Variants in GALNT13 observed in about 807,000 individuals in gnomAD.
GALNT13 encodes polypeptide N-acetylgalactosaminyltransferase 13.
In GALNT13, 28 loss-of-function variants were observed where a neutral mutation model predicts 64.2. That is an observed-to-expected ratio of 0.44 (90% CI 0.32 to 0.60). The LOEUF (loss-of-function observed/expected upper bound fraction) is 0.60, where lower values mean the gene tolerates loss of function less well. GALNT13 is among the 20% of genes least tolerant of loss of function. The probability of loss-of-function intolerance (pLI) is 0.05; values close to 1 mark genes in which losing one functional copy is unlikely to be tolerated. For missense variants in GALNT13, 577 were observed against 669.8 expected (o/e 0.86, Z 1.53); for synonymous variants, 214 against 224.6 (o/e 0.95, Z 0.42).
At chr2:153,871,486 C>G (rs557651254), upstream of GALNT13, among the ~76,000 whole-genome samples, 1 of 152,204 alleles carries the variant, frequency 6.6e-6, no homozygotes. Flanking sequence ...CCGGCGCTTT[C>G]CCCGAGGGCA....
At chr2:153,199,525 GT>G in the GALNT13 span, among the ~76,000 whole-genome samples, 1 of 152,308 alleles carries the variant, frequency 6.6e-6, no homozygotes, top group East Asian at 1.9e-4. Flanking sequence ...GACAGATGTT[GT>G]TTTGAGCAAA....
At chr2:154,293,685 T>C (rs1692764768) in intron 8 of GALNT13, among the ~76,000 whole-genome samples, 3 of 152,182 alleles carry the variant, frequency 2.0e-5, no homozygotes, top group Admixed American at 2.0e-4. Context: ...AGAAAAATTC[T>C]GTTTGCTTAT....
the GALNT13 span, chr2:153,478,764 A>C: frequency 3.6e-6 from 2 of 563,142 alleles, no homozygotes; most frequent in South Asian, 2.5e-5. Flanking sequence ...GGCTCTTCTA[A>C]AGCCGTCCGC....
At chr2:153,121,841 G>T in the GALNT13 span, among the ~76,000 whole-genome samples, 1 of 152,116 alleles carries the variant, frequency 6.6e-6, no homozygotes, top group African/African-American at 2.4e-5. Context: ...TTACGACACT[G>T]AAAACAGAGG....
At chr2:153,547,895 GAT>G in the GALNT13 span, among the ~76,000 whole-genome samples, 5 of 152,144 alleles carry the variant, frequency 3.3e-5, no homozygotes, top group Non-Finnish European at 7.3e-5. Context: ...CCCTGGTTTT[GAT>G]ATCCATAAGT....
the GALNT13 span, among the ~76,000 whole-genome samples, chr2:153,280,892 G>A: frequency 3.7e-4 from 57 of 152,140 alleles, no homozygotes; most frequent in Middle Eastern, 3.2e-3. Context: ...TTGGTCATGC[G>A]TGAAGTTTAA....
At chr2:153,701,527 CA>C in the GALNT13 span, among the ~76,000 whole-genome samples, 1 of 152,096 alleles carries the variant, frequency 6.6e-6, no homozygotes, top group South Asian at 2.1e-4. Flanking sequence ...TTCTGCACAG[CA>C]AAAGAAACTA....
chr2:154,298,301 A>G (rs1269826339), intron 8 of GALNT13, among the ~76,000 whole-genome samples: 2 of 150,038 alleles, frequency 1.3e-5, no homozygotes, highest in Non-Finnish European at 3.0e-5. Context: ...TATTTTTTAC[A>G]GTAGGTCAAA....
At chr2:153,700,813 C>T in the GALNT13 span, among the ~76,000 whole-genome samples, 3 of 152,114 alleles carry the variant, frequency 2.0e-5, no homozygotes, top group Non-Finnish European at 4.4e-5. Flanking sequence ...TCAAAGAGAA[C>T]TACAAACCAC....
the GALNT13 span, among the ~76,000 whole-genome samples, chr2:153,334,482 T>G: frequency 6.6e-6 from 1 of 152,204 alleles, no homozygotes; most frequent in East Asian, 1.9e-4. Context: ...TAACTAAAGT[T>G]AAGGGCTTTT....
the GALNT13 span, among the ~76,000 whole-genome samples, chr2:153,317,163 T>G: frequency 6.6e-6 from 1 of 152,200 alleles, no homozygotes; most frequent in Non-Finnish European, 1.5e-5. Context: ...ACAAATACCT[T>G]AGAAATTCAA....
intron 9 of GALNT13, among the ~76,000 whole-genome samples, chr2:154,304,875 A>G (rs1426090272): frequency 6.6e-6 from 1 of 152,188 alleles, no homozygotes; most frequent in Non-Finnish European, 1.5e-5. Context: ...GAACTTCCTA[A>G]AGGGCGTTTA....
At chr2:153,814,465 G>GTAAGTAAGTAAGTAAGTAAGTAAA in the GALNT13 span, among the ~76,000 whole-genome samples, 3 of 148,906 alleles carry the variant, frequency 2.0e-5, no homozygotes, top group African/African-American at 7.5e-5. Context: ...AAGTAAGTAA[G>GTAAGTAAGTAAGTAAGTAAGTAAA]TAAATAAATA....
At chr2:154,266,727 C>T (rs1559057201) in intron 8 of GALNT13, among the ~76,000 whole-genome samples, 3 of 151,640 alleles carry the variant, frequency 2.0e-5, no homozygotes, top group Admixed American at 2.0e-4. Context: ...ATTGTATTTA[C>T]TTACTATTGC....
chr2:153,130,893 GTACAGTCCAAAC>G, the GALNT13 span, among the ~76,000 whole-genome samples: 1 of 152,122 alleles, frequency 6.6e-6, no homozygotes, highest in Non-Finnish European at 1.5e-5. Flanking sequence ...ATAAATAGTT[GTACAGTCCAAAC>G]TACTGTCGAG....
chr2:153,445,828 T>G, the GALNT13 span, among the ~76,000 whole-genome samples: 1 of 152,190 alleles, frequency 6.6e-6, no homozygotes, highest in South Asian at 2.1e-4. Context: ...GCATATACAT[T>G]ATAGTCAGGA....
At chr2:153,295,527 T>TAAAAAAAAAAA in the GALNT13 span, among the ~76,000 whole-genome samples, 1 of 139,750 alleles carries the variant, frequency 7.2e-6, no homozygotes. Flanking sequence ...CTGGAGTACC[T>TAAAAAAAAAAA]AAAAAAAAAA....
the GALNT13 span, among the ~76,000 whole-genome samples, chr2:153,634,815 C>G: frequency 1.3e-5 from 2 of 151,948 alleles, no homozygotes; most frequent in South Asian, 4.1e-4. Context: ...TCCCAAAGTG[C>G]TGGAACTACA....
chr2:154,143,447 A>G (rs1337792847), intron 4 of GALNT13, among the ~76,000 whole-genome samples: 1 of 152,070 alleles, frequency 6.6e-6, no homozygotes, highest in Non-Finnish European at 1.5e-5. Context: ...TTTTTAAAAA[A>G]TCTCGACTTT....
Sources: gnomAD v4.1 joint callset for allele counts (sites outside exome capture counted in the v4.1 genomes callset) on GRCh38, gnomAD v4.1.1 for gene constraint, MANE v1.5 for transcripts, NCBI Gene and HGNC (gene_info 2026-07-23, HGNC 2026-07-21) for gene names.